NF2: variants seen among roughly 807,000 people sequenced by gnomAD.
NF2 encodes NF2, moesin-ezrin-radixin like (MERLIN) tumor suppressor.
A neutral mutation model predicts 83.7 loss-of-function variants in NF2; 8 were observed. The observed-to-expected ratio is 0.10, with a 90% CI of 0.06 to 0.17. The LOEUF (loss-of-function observed/expected upper bound fraction) is 0.17. NF2 is among the 10% of genes least tolerant of loss of function. The pLI, the probability that NF2 is intolerant of heterozygous loss-of-function variation, is 1.00. For missense variants in NF2, 533 were observed against 744.4 expected (o/e 0.72, Z 3.31); for synonymous variants, 266 against 269.6 (o/e 0.99, Z 0.13).
chr22:29,604,734 G>A lies in NF2; in HGVS notation c.114+622G>A, dbSNP rs963369259. The stretch of plus-strand genomic sequence containing the variant: ...CAGTACTGCTTCTCAAGTAATTTAA[G>A]TTCTTGCTGCTAAAAGTGTGGTTTG... On this transcript the variant is annotated intron_variant, in intron 1 of 15. Coordinates refer to ENST00000338641, the MANE Select transcript of NF2 (RefSeq NM_000268.4). 2.6e-5 allele frequency among the ~76,000 whole-genome samples: 4 copies of A among 152,290 alleles called. No individual in the cohort carries two copies. In the South Asian group the frequency reaches 8.3e-4, roughly 32 times the overall value.
intron 1 of NF2, chr22:29,608,911 C>G: frequency 1.9e-6 from 1 of 538,714 alleles, no homozygotes; most frequent in Admixed American, 3.0e-5. Context: ...TGGCATCGGG[C>G]TGCAAGATTG....
chr22:29,646,182 G>T (rs182266938), intron 4 of NF2, among the ~76,000 whole-genome samples: 1 of 152,294 alleles, frequency 6.6e-6, no homozygotes, highest in African/African-American at 2.4e-5. Flanking sequence ...TTGCAGATGA[G>T]GAATTTAAGG....
intron 12 of NF2, 105 bp downstream of exon 12, chr22:29,673,591 C>A: frequency 7.7e-7 from 1 of 1,295,578 alleles, no homozygotes; most frequent in Non-Finnish European, 1.1e-6. Flanking sequence ...AGCTGCTTGC[C>A]CATCTTCTGG....
At chr22:29,621,910 T>C (rs1194319193) in intron 1 of NF2, among the ~76,000 whole-genome samples, 1 of 152,172 alleles carries the variant, frequency 6.6e-6, no homozygotes, top group Non-Finnish European at 1.5e-5. Context: ...TAGGCTCTGC[T>C]CAAGGGTTTC....
rs1290530587 is a variant in NF2, at chr22:29,694,790, T to C, written c.1776T>C (p.Phe592=). 4 of 1,613,416 alleles carry C rather than the reference T, an allele frequency of 2.5e-6. No homozygotes were observed. The highest frequency in any genetic ancestry group is 1.7e-5 in the Admixed American group (1 of 59,966). Residue 592 remains phenylalanine (F), a synonymous_variant, in exon 16 of 16, where the codon TTT becomes TTC. Coordinates refer to ENST00000338641, the MANE Select transcript of NF2 (RefSeq NM_000268.4). The surrounding 1 kb of genome is among the most constrained non-coding windows in gnomAD (Gnocchi z 4.1). ...LQSAKSRVAF[F]EEL The stretch of plus-strand genomic sequence containing the variant: ...GCGCCAAGTCCCGAGTGGCCTTCTT[T>C]GAAGAGCTCTAGCAGGTGACCCAGC...
intron 1 of NF2, among the ~76,000 whole-genome samples, chr22:29,627,677 A>G (rs2065402167): frequency 6.6e-6 from 1 of 152,076 alleles, no homozygotes; most frequent in South Asian, 2.1e-4. Flanking sequence ...CTTCAGCGGG[A>G]AAGATGCCAG....
intron 1 of NF2, among the ~76,000 whole-genome samples, chr22:29,610,653 A>AG (rs1376027297): frequency 6.6e-6 from 1 of 151,882 alleles, no homozygotes; most frequent in Non-Finnish European, 1.5e-5. Flanking sequence ...CAAAAAAAAA[A>AG]AAAAAGAAGA....
In NF2 at chr22:29,697,049, T is replaced by G. The variant is rs1268235180; in HGVS notation, c.*2247T>G. ...CCAGACTGGTCTCGAACTCCTGACC[T>G]CAGGTGATCCTCCCACCCCGGCTTC... On this transcript the variant is annotated 3_prime_UTR_variant, in exon 16 of 16. Coordinates refer to ENST00000338641, the MANE Select transcript of NF2 (RefSeq NM_000268.4). 1 of 190,032 alleles carries G rather than the reference T, an allele frequency of 5.3e-6. No individual in the cohort carries two copies. The highest frequency in any genetic ancestry group is 1.1e-5 in the Non-Finnish European group (1 of 90,436). 11.8% of individuals were successfully genotyped at this position (190,032 alleles called of 1,614,324 possible).
At chr22:29,661,906 G>A (rs2066489731) in intron 8 of NF2, among the ~76,000 whole-genome samples, 1 of 152,106 alleles carries the variant, frequency 6.6e-6, no homozygotes, top group Non-Finnish European at 1.5e-5. Flanking sequence ...TTTTGTGTGT[G>A]TATCTCTCAG....
chr22:29,687,421 T>G (rs1214926927), intron 15 of NF2, among the ~76,000 whole-genome samples: 2 of 152,146 alleles, frequency 1.3e-5, no homozygotes, highest in African/African-American at 4.8e-5. Context: ...CCCTTGGAGT[T>G]GCAGAGCCAG....
intron 4 of NF2, among the ~76,000 whole-genome samples, chr22:29,644,748 G>C (rs59374288): frequency 1.2e-4 from 19 of 152,216 alleles, no homozygotes; most frequent in African/African-American, 3.6e-4. Context: ...GCGAAACCCC[G>C]TCTCCACCAA....
chr22:29,663,484 G>T (rs561998011), intron 8 of NF2, among the ~76,000 whole-genome samples: 1 of 152,366 alleles, frequency 6.6e-6, no homozygotes, highest in South Asian at 2.1e-4. Flanking sequence ...AAACAGAAAT[G>T]TTAGTTTATT....
At chr22:29,627,104 C>T (rs1251280535) in intron 1 of NF2, among the ~76,000 whole-genome samples, 2 of 152,158 alleles carry the variant, frequency 1.3e-5, no homozygotes, top group Non-Finnish European at 1.5e-5. Flanking sequence ...AAGTCATTTA[C>T]ATCCCTGAAA....
chr22:29,653,343 C>G (rs1281109327), intron 4 of NF2, among the ~76,000 whole-genome samples: 7 of 150,374 alleles, frequency 4.7e-5, no homozygotes, highest in African/African-American at 1.5e-4. Flanking sequence ...GCTCAGGATA[C>G]TGAGGCAGGA....
chr22:29,636,628 G>A lies in NF2; in HGVS notation c.115-123G>A. On this transcript the variant is annotated intron_variant, in intron 1 of 15. Coordinates refer to ENST00000338641, the MANE Select transcript of NF2 (RefSeq NM_000268.4). The surrounding 1 kb of genome is among the most constrained non-coding windows in gnomAD (Gnocchi z 4.4). ...AGCTTTAAAATTATTTAGGAATTCAGTCCTCATCAGCTGTCTTAGTGTCAT... is the reference window on the plus strand; with the variant it reads ...AGCTTTAAAATTATTTAGGAATTCAATCCTCATCAGCTGTCTTAGTGTCAT... 8.1e-7 allele frequency: 1 copy of A among 1,240,142 alleles called. No homozygotes were observed. Among genetic ancestry groups the A allele is most frequent in the Non-Finnish European group, 1.2e-6 (1 of 844,624 alleles). 76.8% of individuals were successfully genotyped at this position (1,240,142 alleles called of 1,614,324 possible).
intron 8 of NF2, among the ~76,000 whole-genome samples, chr22:29,664,560 T>A (rs2066564927): frequency 6.6e-6 from 1 of 152,228 alleles, no homozygotes; most frequent in African/African-American, 2.4e-5. Context: ...CACATATTTG[T>A]GATTTGTACC....
At chr22:29,662,601 C>T (rs2066510323) in intron 8 of NF2, among the ~76,000 whole-genome samples, 1 of 152,148 alleles carries the variant, frequency 6.6e-6, no homozygotes, top group Non-Finnish European at 1.5e-5. Flanking sequence ...TGTAGTCTTC[C>T]ACATACAAGC....
At chr22:29,688,789 G>A (rs1024176892) in intron 15 of NF2, among the ~76,000 whole-genome samples, 5 of 152,182 alleles carry the variant, frequency 3.3e-5, no homozygotes, top group African/African-American at 4.8e-5. Context: ...TTGGCCTTTC[G>A]TTCCACCTCT....
intron 1 of NF2, 49 bp downstream of exon 1, chr22:29,604,161 C>A: frequency 7.0e-7 from 1 of 1,435,090 alleles, no homozygotes; most frequent in Non-Finnish European, 9.6e-7. Flanking sequence ...GAGGTGGAAG[C>A]TCGAGAGGTT....
Sources: allele counts gnomAD v4.1 joint callset (sites outside exome capture counted in the v4.1 genomes callset), GRCh38; gene constraint gnomAD v4.1.1; non-coding constraint Gnocchi (gnomAD v3.1); transcripts MANE v1.5; gene names NCBI Gene and HGNC (gene_info 2026-07-23, HGNC 2026-07-21).